The following ZFP64 variants were observed in gnomAD, a reference collection of about 807,000 sequenced individuals.
ZFP64 encodes ZFP64 zinc finger protein.
A neutral mutation model predicts 51.6 loss-of-function variants in ZFP64; 14 were observed. The observed-to-expected ratio is 0.27, with a 90% confidence interval of 0.18 to 0.42. The LOEUF is 0.42. ZFP64 is among the 10% of genes least tolerant of loss of function. The probability of loss-of-function intolerance (pLI) is 1.00; values close to 1 mark genes in which losing one functional copy is unlikely to be tolerated. For missense variants in ZFP64, 754 were observed against 906.8 expected, an observed-to-expected ratio of 0.83 and a Z score of 2.16; for synonymous variants, 375 against 361.4, an observed-to-expected ratio of 1.04 and a Z score of -0.43.
intron 5 of ZFP64, among the ~76,000 whole-genome samples, chr20:52,114,067 T>C (rs1271582136): frequency 6.6e-6 from 1 of 152,020 alleles, no homozygotes; most frequent in Non-Finnish European, 1.5e-5. Flanking sequence ...GCGACCAACT[T>C]TGGTATGTTT....
intron 8 of ZFP64, among the ~76,000 whole-genome samples, chr20:52,087,540 G>A (rs967485701): frequency 3.3e-5 from 5 of 152,214 alleles, no homozygotes; most frequent in Admixed American, 6.5e-5. Flanking sequence ...ATTAGTTATT[G>A]ACTTGGCTCA....
At chr20:52,118,510 T>G (rs1016738153) in intron 5 of ZFP64, among the ~76,000 whole-genome samples, 4 of 152,092 alleles carry the variant, frequency 2.6e-5, no homozygotes, top group Non-Finnish European at 4.4e-5. Flanking sequence ...AGGAGTGAAA[T>G]CACACCAATT....
At chr20:52,102,598 CTT>C (rs1274436160) in intron 5 of ZFP64, among the ~76,000 whole-genome samples, 1 of 152,144 alleles carries the variant, frequency 6.6e-6, no homozygotes, top group Non-Finnish European at 1.5e-5. Context: ...CCATTAAACT[CTT>C]GAGGGTTTTA....
Position 52,091,604 on chromosome 20 carries a change from T to C in ZFP64, c.977-2961A>G, listed in dbSNP as rs185635155. Among the ~76,000 whole-genome samples the C allele has an allele frequency of 7.7e-3, 1,175 of 152,270 alleles. 12 individuals carry two copies. Among genetic ancestry groups the C allele is most frequent in the Non-Finnish European group, 9.0e-3 (615 of 68,020 alleles). ...CTTCACAAATGGTTTTTCAAAAATG[T>C]CATCTTGGAAGTTTTAGAATGTCTT... On this transcript the variant is annotated intron_variant, in intron 7 of 8. Coordinates refer to the ZFP64 transcript ENST00000361387.
intron 2 of ZFP64, among the ~76,000 whole-genome samples, chr20:52,172,176 C>T (rs1982798001): frequency 6.6e-6 from 1 of 151,768 alleles, no homozygotes; most frequent in Admixed American, 6.6e-5. Flanking sequence ...AGTCACCACT[C>T]ATTGCCAGGG....
intron 5 of ZFP64, among the ~76,000 whole-genome samples, chr20:52,106,077 G>GC (rs1978313105): frequency 6.6e-6 from 1 of 152,148 alleles, no homozygotes; most frequent in African/African-American, 2.4e-5. Flanking sequence ...TATAGCACGC[G>GC]CCCGCTCCCG....
intron 5 of ZFP64, among the ~76,000 whole-genome samples, chr20:52,120,790 C>T (rs1240656520): frequency 6.6e-6 from 1 of 151,050 alleles, no homozygotes; most frequent in Non-Finnish European, 1.5e-5. Context: ...GATTCTCCAG[C>T]CTCAGCCTCC....
At chr20:52,137,868 C>A (rs1433154619) in intron 5 of ZFP64, among the ~76,000 whole-genome samples, 1 of 151,990 alleles carries the variant, frequency 6.6e-6, no homozygotes, top group Non-Finnish European at 1.5e-5. Flanking sequence ...ATATATTTAA[C>A]AATCATTGTT....
At chr20:52,119,531 A>AT (rs1458557217) in intron 5 of ZFP64, among the ~76,000 whole-genome samples, 871 of 65,060 alleles carry the variant, frequency 0.013, 7 homozygotes, top group African/African-American at 0.037. Flanking sequence ...AAAAAAAAAA[A>AT]AAATATATAT....
chr20:52,098,725 C>T lies in ZFP64; in HGVS notation c.764-138G>A, dbSNP rs2079019071. 22 of 1,160,522 alleles carry T rather than the reference C, an allele frequency of 1.9e-5. No individual in the cohort carries two copies. In the South Asian group the frequency reaches 2.3e-4, roughly 12 times the overall value. The allele number at this position is 1,160,522 out of a possible 1,614,324, so 71.9% of individuals were successfully genotyped here. ...TTAAAAAAAATGAAAGCCATGTGAC[C>T]AGGCGGGGTGGCTCATGCCTGTAAT... On this transcript the variant is annotated intron_variant, in intron 5 of 8. Transcript: ENST00000361387.
intron 4 of ZFP64, among the ~76,000 whole-genome samples, chr20:52,161,409 A>G (rs1367075990): frequency 6.6e-6 from 1 of 150,480 alleles, no homozygotes; most frequent in Non-Finnish European, 1.5e-5. Context: ...AATCCTTGCA[A>G]CAGCTGGAAT....
rs1979460847 is a variant in ZFP64, at chr20:52,126,682, T to A, written c.764-28095A>T. ...CTGGAGATACATGGTAACTTAGATT[T>A]GGCACAAAATGAATAGAATTCTCTT... On this transcript the variant is annotated intron_variant, in intron 5 of 8. Coordinates refer to the ZFP64 transcript ENST00000361387. Among the ~76,000 whole-genome samples the A allele has an allele frequency of 3.9e-5, 6 of 152,230 alleles. No individual in the cohort carries two copies. In the South Asian group the frequency reaches 1.0e-3, roughly 26 times the overall value.
intron 2 of ZFP64, among the ~76,000 whole-genome samples, chr20:52,182,114 C>G (rs1227065729): frequency 6.6e-6 from 1 of 152,300 alleles, no homozygotes; most frequent in South Asian, 2.1e-4. Context: ...AGAATTCTCA[C>G]AATAACGCAA....
At chr20:52,131,072 A>C (rs1191335326) in intron 5 of ZFP64, among the ~76,000 whole-genome samples, 1 of 151,970 alleles carries the variant, frequency 6.6e-6, no homozygotes, top group East Asian at 1.9e-4. Flanking sequence ...TCTCAAAAAT[A>C]AGAATAATAA....
At position 52,152,766 on chromosome 20, in the gene ZFP64, T is replaced by C. The variant is rs768018610; in HGVS notation, c.1426A>G (p.Thr476Ala). The change falls in exon 6 of 6, where the codon ACT (threonine) becomes GCT (alanine). Residue 476 changes from threonine (T) to alanine (A), a missense_variant. Transcript: ENST00000216923. ...DPSKQPATPL[T>A]VGHLQVPLQP... Reference sequence around the variant, plus strand: ...AGGGGCACCTGGAGGTGTCCCACAGTGAGGGGCGTGGCGGGCTGCTTGCTG... The same window carrying C: ...AGGGGCACCTGGAGGTGTCCCACAGCGAGGGGCGTGGCGGGCTGCTTGCTG... The C allele has an allele frequency of 1.3e-6, 2 of 1,599,868 alleles. No homozygotes were observed. The highest frequency in any genetic ancestry group is 8.5e-7 in the Non-Finnish European group (1 of 1,170,854).
chr20:52,164,611 A>T, intron 4 of ZFP64, 84 bp downstream of exon 4: 1 of 1,145,448 alleles, frequency 8.7e-7, no homozygotes, highest in Non-Finnish European at 1.3e-6. Flanking sequence ...TTGGAGTGGT[A>T]TCATTCGTCT....
exon 8 of ZFP64, chr20:52,088,445 G>A: frequency 2.5e-6 from 4 of 1,614,152 alleles, no homozygotes; most frequent in Non-Finnish European, 3.4e-6. Flanking sequence ...GCTGGCATAG[G>A]GGCAGAGCTG....
chr20:52,105,315 C>T (rs917430563), intron 5 of ZFP64: 38 of 1,255,568 alleles, frequency 3.0e-5, no homozygotes, highest in South Asian at 2.7e-4. Flanking sequence ...TCGGAAATTA[C>T]CCCCCTTCGG....
chr20:52,090,484 A>G (rs2078911287), intron 7 of ZFP64, among the ~76,000 whole-genome samples: 1 of 152,190 alleles, frequency 6.6e-6, no homozygotes, highest in African/African-American at 2.4e-5. Context: ...CTTTCAGACA[A>G]GAGAAAAACA....
Sources: allele counts gnomAD v4.1 joint callset (sites outside exome capture counted in the v4.1 genomes callset), GRCh38; gene constraint gnomAD v4.1.1; transcripts MANE v1.5; gene names NCBI Gene and HGNC (gene_info 2026-07-23, HGNC 2026-07-21).